Variants in SLC8A1 observed in about 807,000 individuals in gnomAD.
SLC8A1 encodes the protein sodium/calcium exchanger 1.
A neutral mutation model predicts 68.3 loss-of-function variants in SLC8A1; 18 were observed. The observed-to-expected ratio is 0.26, with a 90% CI of 0.18 to 0.39. SLC8A1 has a LOEUF of 0.39. Among genes scored for constraint, SLC8A1 ranks in the 10% least tolerant of loss-of-function variants. SLC8A1 has a pLI of 1.00. For missense variants in SLC8A1, 985 were observed against 1,156.7 expected (o/e 0.85, Z 2.15); for synonymous variants, 475 against 415.5 (o/e 1.14, Z -1.74).
At chr2:40,437,966 G>A (rs1345549708) in intron 1 of SLC8A1, among the ~76,000 whole-genome samples, 8 of 152,132 alleles carry the variant, frequency 5.3e-5, no homozygotes, top group Admixed American at 5.2e-4. Flanking sequence ...ATTCACTGAA[G>A]AGAAGAGACT....
intron 2 of SLC8A1, among the ~76,000 whole-genome samples, chr2:40,366,524 T>G (rs910010965): frequency 1.5e-4 from 23 of 152,090 alleles, no homozygotes; most frequent in African/African-American, 4.8e-4. Flanking sequence ...ATTACCATGT[T>G]TGTTCTCTAA....
exon 8 of SLC8A1, chr2:40,112,056 C>T (rs964094479): frequency 6.6e-6 from 1 of 152,238 alleles, no homozygotes; most frequent in African/African-American, 2.4e-5. Flanking sequence ...AAAAAGAGAA[C>T]ATTGCATGAC....
chr2:40,217,839 A>G (rs2057728027), intron 2 of SLC8A1, among the ~76,000 whole-genome samples: 1 of 152,256 alleles, frequency 6.6e-6, no homozygotes, highest in Non-Finnish European at 1.5e-5. Flanking sequence ...TCATACCTGC[A>G]TGGCAACAGA....
At chr2:40,301,824 A>G (rs2071514917) in intron 2 of SLC8A1, among the ~76,000 whole-genome samples, 1 of 151,994 alleles carries the variant, frequency 6.6e-6, no homozygotes, top group South Asian at 2.1e-4. Context: ...GTGATTTGTG[A>G]GATTTTGGTG....
At chr2:40,219,937 T>A (rs1356016199) in intron 2 of SLC8A1, among the ~76,000 whole-genome samples, 2 of 150,586 alleles carry the variant, frequency 1.3e-5, no homozygotes, top group East Asian at 4.0e-4. Flanking sequence ...CAAAATTTGG[T>A]TAGGGCAAAA....
chr2:40,393,943 C>T lies in SLC8A1; in HGVS notation c.1808+34530G>A, dbSNP rs191817772. Among the ~76,000 whole-genome samples, 312 of 152,218 alleles carry T rather than the reference C, an allele frequency of 2.0e-3. 1 individual carries two copies. The highest frequency in any genetic ancestry group is 7.1e-3 in the African/African-American group (295 of 41,550). On this transcript the variant is annotated intron_variant, in intron 2 of 7. Transcript: ENST00000406785. ...CCCACCACAAGCCCTGAGAACACAGCTGGGTTACTTGAAACCAGTAGCTCT... is the reference window on the plus strand; with the variant it reads ...CCCACCACAAGCCCTGAGAACACAGTTGGGTTACTTGAAACCAGTAGCTCT...
At chr2:40,348,671 G>A (rs1036656111) in intron 2 of SLC8A1, among the ~76,000 whole-genome samples, 1 of 152,050 alleles carries the variant, frequency 6.6e-6, no homozygotes, top group Non-Finnish European at 1.5e-5. Flanking sequence ...CTGCACTCCG[G>A]GGTCTCAGGG....
chr2:40,346,064 A>C (rs949736361), intron 2 of SLC8A1, among the ~76,000 whole-genome samples: 1 of 150,180 alleles, frequency 6.7e-6, no homozygotes, highest in Non-Finnish European at 1.5e-5. Context: ...AAAAAAAAAA[A>C]AAAAAAAAAG....
chr2:40,152,785 C>A (rs1463965837), intron 6 of SLC8A1, among the ~76,000 whole-genome samples: 1 of 151,844 alleles, frequency 6.6e-6, no homozygotes, highest in Admixed American at 6.6e-5. Context: ...GGACACTCAG[C>A]AAGACCTGGA....
At chr2:40,172,937 T>G (rs1008526689) in intron 4 of SLC8A1, among the ~76,000 whole-genome samples, 5 of 151,952 alleles carry the variant, frequency 3.3e-5, no homozygotes, top group African/African-American at 1.2e-4. Flanking sequence ...TGAGACTCCA[T>G]CTCAAAAAAA....
chr2:40,153,055 A>C (rs1460673045), intron 6 of SLC8A1, among the ~76,000 whole-genome samples: 1 of 152,190 alleles, frequency 6.6e-6, no homozygotes, highest in African/African-American at 2.4e-5. Context: ...AACCGAGAAA[A>C]TGTCCTAAAT....
At chr2:40,161,307 G>C (rs961262574) in intron 5 of SLC8A1, among the ~76,000 whole-genome samples, 1 of 152,142 alleles carries the variant, frequency 6.6e-6, no homozygotes, top group African/African-American at 2.4e-5. Flanking sequence ...ATTGTATTTT[G>C]TTTATCAATG....
chr2:40,295,914 A>G (rs993717976), intron 2 of SLC8A1, among the ~76,000 whole-genome samples: 2 of 152,172 alleles, frequency 1.3e-5, no homozygotes, highest in South Asian at 2.1e-4. Context: ...CTTTGTGAGC[A>G]GGAGGAGAAG....
intron 7 of SLC8A1, among the ~76,000 whole-genome samples, chr2:40,126,088 A>G (rs2038031797): frequency 6.6e-6 from 1 of 152,142 alleles, no homozygotes; most frequent in African/African-American, 2.4e-5. Flanking sequence ...AGGTGGGATT[A>G]GAATCCACAT....
chr2:40,121,928 T>C (rs191992966), intron 7 of SLC8A1, among the ~76,000 whole-genome samples: 2 of 152,332 alleles, frequency 1.3e-5, no homozygotes, highest in East Asian at 3.9e-4. Context: ...TAAAAGACAT[T>C]AGAGCTCTTT....
chr2:40,107,023 G>C (rs554668678), exon 8 of SLC8A1: 2 of 152,212 alleles, frequency 1.3e-5, no homozygotes, highest in African/African-American at 4.8e-5. Context: ...GGGACAAGAT[G>C]ATCAGTGTAT....
At chr2:40,449,279 G>A (rs532128284) in intron 1 of SLC8A1, among the ~76,000 whole-genome samples, 1 of 151,792 alleles carries the variant, frequency 6.6e-6, no homozygotes, top group Non-Finnish European at 1.5e-5. Context: ...TTTTTAAAGG[G>A]GAATTGCAAC....
At chr2:40,122,197 T>TGA (rs372498346) in intron 7 of SLC8A1, among the ~76,000 whole-genome samples, 4 of 116,030 alleles carry the variant, frequency 3.4e-5, no homozygotes, top group African/African-American at 1.1e-4. Flanking sequence ...CACAAGTGCA[T>TGA]GCGCGCGCGC....
intron 2 of SLC8A1, among the ~76,000 whole-genome samples, chr2:40,345,083 C>G (rs1010125989): frequency 6.6e-6 from 1 of 152,086 alleles, no homozygotes; most frequent in Non-Finnish European, 1.5e-5. Context: ...GCTTGGAATG[C>G]CAAGAGTCTT....
Sources: allele counts gnomAD v4.1 joint callset (sites outside exome capture counted in the v4.1 genomes callset), GRCh38; gene constraint gnomAD v4.1.1; transcripts MANE v1.5; gene names NCBI Gene and HGNC (gene_info 2026-07-23, HGNC 2026-07-21).